Variants in ZNF480 observed in about 807,000 individuals in gnomAD.
The protein encoded by ZNF480 is zinc finger protein 480.
ZNF480 carries 15 observed loss-of-function variants against 14.4 expected under a neutral mutation model. The observed-to-expected ratio is 1.04, with a 90% CI of 0.70 to 1.60. The LOEUF is 1.60. Among genes scored for constraint, ZNF480 ranks in the 40% most tolerant of loss-of-function variants. The pLI is 0.00. For synonymous variants in ZNF480, 218 were observed against 215.5 expected, an observed-to-expected ratio of 1.01 and a Z score of -0.10; for missense variants, 593 against 629.7, an observed-to-expected ratio of 0.94 and a Z score of 0.62.
In ZNF480 at chr19:52,322,720, G is replaced by A; in HGVS notation, c.1470G>A (p.Lys490=). 1 of 1,609,996 alleles carries A rather than the reference G, an allele frequency of 6.2e-7. No homozygotes were observed. Residue 490 remains lysine (K), a synonymous_variant, in exon 5 of 5, where the codon AAG becomes AAA. Coordinates refer to ENST00000595962, the MANE Select transcript of ZNF480 (RefSeq NM_144684.4). ...CTTACAAATGTAATGAATGTGGCAA[G>A]GTCTTCAATCGAATTGCACACCTTG... ...ERPYKCNECG[K]VFNRIAHLAR...
chr19:52,299,781 T>C (rs1015396785), intron 1 of ZNF480, among the ~76,000 whole-genome samples: 2 of 152,042 alleles, frequency 1.3e-5, no homozygotes, highest in Non-Finnish European at 2.9e-5. Context: ...GCAACATCCA[T>C]CTCCCAGTTT....
At chr19:52,300,655 A>G in intron 2 of ZNF480, 171 bp downstream of exon 2, 1 of 1,110,686 alleles carries the variant, frequency 9.0e-7, no homozygotes, top group African/African-American at 1.6e-5. Context: ...ACCCTAACCT[A>G]GTGGCACTAG....
intron 2 of ZNF480, among the ~76,000 whole-genome samples, chr19:52,312,843 C>T (rs1362952670): frequency 2.0e-5 from 3 of 151,044 alleles, no homozygotes; most frequent in African/African-American, 4.9e-5. Flanking sequence ...TTTTTTGAGA[C>T]AGAGTCTCAC....
In ZNF480 at chr19:52,322,424, A is replaced by T. The variant is rs750024828; in HGVS notation, c.1174A>T (p.Ile392Phe). 1 of 1,614,116 alleles carries T rather than the reference A, an allele frequency of 6.2e-7. No individual in the cohort carries two copies. Residue 392 changes from isoleucine to phenylalanine, a missense_variant, in exon 5 of 5, where the codon ATT (isoleucine) becomes TTT (phenylalanine). Ile to Phe is a conservative substitution (Grantham distance 21). Transcript: ENST00000595962. ...TTCGCACCTAGCACAACATTGGAGA[A>T]TTCATACAGGAGAGAAACCTTACAA... ...QNSHLAQHWR[I>F]HTGEKPYKCN...
intron 2 of ZNF480, chr19:52,313,848 G>A (rs1357192033): frequency 1.9e-5 from 8 of 428,790 alleles, no homozygotes; most frequent in Non-Finnish European, 2.8e-5. Flanking sequence ...GTGTGATGGT[G>A]TGCACCTGTA....
At chr19:52,314,094 T>A in intron 2 of ZNF480, 59 bp from the exon 3 acceptor site, 1 of 1,490,474 alleles carries the variant, frequency 6.7e-7, no homozygotes, top group Non-Finnish European at 9.1e-7. Flanking sequence ...CCTTCTCATT[T>A]TGAGTGAAGA....
chr19:52,311,679 A>C (rs1215750230), intron 2 of ZNF480, among the ~76,000 whole-genome samples: 1 of 152,126 alleles, frequency 6.6e-6, no homozygotes, highest in Non-Finnish European at 1.5e-5. Flanking sequence ...AGTGGTACAA[A>C]CCTTTAGTTC....
chr19:52,315,054 C>G (rs1366381045), intron 3 of ZNF480, among the ~76,000 whole-genome samples: 4 of 152,080 alleles, frequency 2.6e-5, no homozygotes, highest in Admixed American at 2.6e-4. Context: ...CCTCTGCCTC[C>G]CAGGCTTAAG....
intron 3 of ZNF480, 28 bp downstream of exon 3, chr19:52,314,307 G>A: frequency 6.7e-7 from 1 of 1,486,614 alleles, no homozygotes. Context: ...GCAGAAGCCG[G>A]GATCTGCCCT....
Position 52,302,014 on chromosome 19 carries a change from C to T in ZNF480, c.72+1530C>T, listed in dbSNP as rs143631781. On this transcript the variant is annotated intron_variant, in intron 2 of 4. Transcript: ENST00000595962. ...GAAAAGGAGGCCTTATTGTCAGTCT[C>T]GACATGGCTGCAACTGGGGGGTCCT... is the stretch of plus-strand genomic sequence containing the variant. 4.8e-5 allele frequency: 9 copies of T among 189,142 alleles called. No homozygotes were observed. The East Asian group carries it at 1.0e-3, about 22-fold the overall frequency. The allele number at this position is 189,142 out of a possible 1,614,324, so 11.7% of individuals were successfully genotyped here. A position where few individuals can be genotyped will look rare whatever the true frequency, so the allele number is the denominator to read the frequency against.
At chr19:52,307,097 T>C (rs1246787168) in intron 2 of ZNF480, among the ~76,000 whole-genome samples, 2 of 152,172 alleles carry the variant, frequency 1.3e-5, no homozygotes, top group East Asian at 3.9e-4. Flanking sequence ...CAAGGTGGAA[T>C]GAACCAGAGC....
chr19:52,300,171 C>T (rs930463596), intron 1 of ZNF480, among the ~76,000 whole-genome samples: 3 of 152,190 alleles, frequency 2.0e-5, no homozygotes, highest in Admixed American at 6.5e-5. Context: ...ACTGCTGCAG[C>T]GTGCGTGTGG....
At chr19:52,310,783 G>A (rs887330484) in intron 2 of ZNF480, among the ~76,000 whole-genome samples, 3 of 151,446 alleles carry the variant, frequency 2.0e-5, no homozygotes, top group Admixed American at 6.6e-5. Context: ...GGTGGATCAC[G>A]AGGTCAGGAG....
At chr19:52,310,878 A>T (rs1983243909) in intron 2 of ZNF480, among the ~76,000 whole-genome samples, 1 of 151,078 alleles carries the variant, frequency 6.6e-6, no homozygotes, top group Admixed American at 6.6e-5. Context: ...GGTGGCGGGC[A>T]CCTGTAGTCC....
intron 2 of ZNF480, among the ~76,000 whole-genome samples, chr19:52,311,004 CAAAA>C (rs972255252): frequency 3.3e-5 from 2 of 59,892 alleles, no homozygotes; most frequent in Admixed American, 2.0e-4. Flanking sequence ...GATTCCGCCT[CAAAA>C]AAAAAAAAAA....
rs974845170 is a variant in ZNF480 at position 52,309,370 on chromosome 19, G to A, written c.73-4783G>A. Among the ~76,000 whole-genome samples the A allele has an allele frequency of 4.6e-5, 7 of 152,098 alleles. No individual in the cohort carries two copies. The East Asian group carries it at 1.4e-3, about 29-fold the overall frequency. ...GTTCTGCTGAGGAGTGTCCCTTTCTGCACCTGCTCTTCAGCCTGTGTGGGG... is the reference window on the plus strand; with the variant it reads ...GTTCTGCTGAGGAGTGTCCCTTTCTACACCTGCTCTTCAGCCTGTGTGGGG... On this transcript the variant is annotated intron_variant, in intron 2 of 4. Coordinates refer to ENST00000595962, the MANE Select transcript of ZNF480 (RefSeq NM_144684.4).
At chr19:52,312,346 GA>G (rs1355850284) in intron 2 of ZNF480, among the ~76,000 whole-genome samples, 3 of 151,798 alleles carry the variant, frequency 2.0e-5, no homozygotes, top group African/African-American at 7.3e-5. Context: ...TTTTTTAGTA[GA>G]GACTGGGCTT....
chr19:52,300,279 G>A, intron 1 of ZNF480, 115 bp from the exon 2 acceptor site: 2 of 1,097,376 alleles, frequency 1.8e-6, no homozygotes, highest in Non-Finnish European at 2.6e-6. Context: ...CTCTGGTGCA[G>A]TGGGCAGCAG....
intron 1 of ZNF480, among the ~76,000 whole-genome samples, chr19:52,298,291 CAGAAA>C (rs1276308135): frequency 1.3e-5 from 2 of 151,430 alleles, no homozygotes; most frequent in Admixed American, 6.6e-5. Flanking sequence ...GGGGGTGTAA[CAGAAA>C]AGAAGGGATT....
Sources: gnomAD v4.1 joint callset for allele counts (sites outside exome capture counted in the v4.1 genomes callset) on GRCh38, gnomAD v4.1.1 for gene constraint, MANE v1.5 for transcripts, NCBI Gene and HGNC (gene_info 2026-07-23, HGNC 2026-07-21) for gene names.